Variants in ZNF425 observed in about 807,000 individuals in gnomAD.
The protein encoded by ZNF425 is zinc finger protein 425.
ZNF425 carries 21 observed loss-of-function variants against 17.0 expected under a neutral mutation model. The observed-to-expected ratio is 1.23, with a 90% confidence interval of 0.88 to 1.78. The LOEUF is 1.78. Ranked by LOEUF, ZNF425 falls within the 40% of genes most tolerant of loss-of-function variation. The pLI is 0.00. For missense variants in ZNF425, 868 were observed against 967.3 expected (o/e 0.90, Z 1.36); for synonymous variants, 433 against 384.1 (o/e 1.13, Z -1.49).
chr7:149,118,074 C>T lies in ZNF425; in HGVS notation c.145+148G>A, dbSNP rs950789289. ...ACTGGATAAAAAGGAATTTAATATTCCCAGGCCATTATAGGAAAGGGAGGA... is the reference window on the plus strand; with the variant it reads ...ACTGGATAAAAAGGAATTTAATATTTCCAGGCCATTATAGGAAAGGGAGGA... On this transcript the variant is annotated intron_variant, in intron 2 of 3. Coordinates refer to ENST00000378061, the MANE Select transcript of ZNF425 (RefSeq NM_001001661.3). 28 of 829,596 alleles carry T rather than the reference C, an allele frequency of 3.4e-5. No homozygotes were observed. The Admixed American group carries it at 6.7e-4, about 20-fold the overall frequency. The allele number at this position is 829,596 out of a possible 1,614,324, so 51.4% of individuals were successfully genotyped here.
chr7:149,126,319 G>C lies in ZNF425; in HGVS notation c.-106C>G, dbSNP rs573771845. ...CTGGCCCCCAAAGGCAGAGCCGGCC[G>C]GGCGCGGTGCATGCTGGGACTCGGC... On this transcript the variant is annotated 5_prime_UTR_variant, in exon 1 of 4. Coordinates refer to ENST00000378061, the MANE Select transcript of ZNF425 (RefSeq NM_001001661.3). 8.1e-5 allele frequency: 120 copies of C among 1,480,756 alleles called. No homozygotes were observed. In the African/African-American group the frequency reaches 1.6e-3, roughly 19 times the overall value. 91.7% of individuals were successfully genotyped at this position (1,480,756 alleles called of 1,614,324 possible).
rs778041829 is a variant in ZNF425, at chr7:149,103,926, G to A, written c.1945C>T (p.Gln649Ter). Residue 649 changes from glutamine (Q) to a stop codon, truncating the protein, a stop_gained, in exon 4 of 4, where the codon CAA (glutamine) becomes TAA (stop). Coordinates refer to ENST00000378061, the MANE Select transcript of ZNF425 (RefSeq NM_001001661.3). LOFTEE classifies it low-confidence loss of function (END_TRUNC). ...SCVMCGKSFTQQYRLTEHIRV... is the reference protein window; with the variant it reads ...SCVMCGKSFT ...ATGTGTTCTGTGAGCCGGTACTGTT[G>A]AGTGAAACTTTTGCCGCACATCACA... 11 of 1,614,078 alleles carry A rather than the reference G, an allele frequency of 6.8e-6. No homozygotes were observed. The highest frequency in any genetic ancestry group is 9.3e-6 in the Non-Finnish European group (11 of 1,180,012).
intron 2 of ZNF425, among the ~76,000 whole-genome samples, chr7:149,115,807 A>G (rs1826257637): frequency 6.6e-6 from 1 of 152,108 alleles, no homozygotes; most frequent in Non-Finnish European, 1.5e-5. Flanking sequence ...CCCTCAGATC[A>G]AGGCTTCATC....
chr7:149,104,521 G>C lies in ZNF425; in HGVS notation c.1350C>G (p.Gly450=). The C allele has an allele frequency of 6.2e-7, 1 of 1,604,054 alleles. No homozygotes were observed. The highest frequency in any genetic ancestry group is 8.5e-7 in the Non-Finnish European group (1 of 1,176,092). ...CGCGCATGGCGTTCCTCCAGAAGAA[G>C]CCCCTGCTGCACTCCGGGCACTGGA... is the stretch of plus-strand genomic sequence containing the variant. ...RPFQCPECSR[G]FFWRNAMRAH... The change falls in exon 4 of 4, where the codon GGC becomes GGG. Residue 450 remains glycine, a synonymous_variant. Coordinates refer to ENST00000378061, the MANE Select transcript of ZNF425 (RefSeq NM_001001661.3). The surrounding 1 kb of genome is among the most constrained non-coding windows in gnomAD (Gnocchi z 4.3).
intron 2 of ZNF425, among the ~76,000 whole-genome samples, chr7:149,113,978 G>A (rs1826213895): frequency 6.9e-6 from 1 of 145,664 alleles, no homozygotes; most frequent in Non-Finnish European, 1.5e-5. Context: ...TTGTGCCACT[G>A]CACCCAGCCT....
At position 149,104,185 on chromosome 7, in the gene ZNF425, G is replaced by A; in HGVS notation, c.1686C>T (p.Ser562=). 1 of 1,613,310 alleles carries A rather than the reference G, an allele frequency of 6.2e-7. No individual in the cohort carries two copies. The highest frequency in any genetic ancestry group is 8.5e-7 in the Non-Finnish European group (1 of 1,179,696). Residue 562 remains serine, a synonymous_variant, in exon 4 of 4, where the codon AGC becomes AGT. Transcript: ENST00000378061. The surrounding 1 kb of genome is among the most constrained non-coding windows in gnomAD (Gnocchi z 4.3). ...ACTTCATGGAGGCCTTCCAGGAGAAGCTCTTGTCGCACTCGGGACACTGGA... is the reference window on the plus strand; with the variant it reads ...ACTTCATGGAGGCCTTCCAGGAGAAACTCTTGTCGCACTCGGGACACTGGA... ...EPFQCPECDK[S]FSWKASMKFH...
rs1296454843 is a variant in ZNF425, at chr7:149,112,273, AT to A, written c.167del (p.Asp56ValfsTer2). ...DSLGYAFSKPDLITWMEQGRM... is the reference protein window; with the variant it reads ...DSLGYAFSKPXLITWMEQGRM... ...TCCCTTGTTCCATCCATGTGATCAA[AT>A]CTGGCTTGGAAAAAGCATACCCTGC... On this transcript the variant is annotated frameshift_variant, in exon 3 of 4. Coordinates refer to ENST00000378061, the MANE Select transcript of ZNF425 (RefSeq NM_001001661.3). LOFTEE classifies it high-confidence loss of function. 3 of 1,613,746 alleles carry A rather than the reference AT, an allele frequency of 1.9e-6. No individual in the cohort carries two copies. The highest frequency in any genetic ancestry group is 2.5e-6 in the Non-Finnish European group (3 of 1,179,876).
Position 149,105,483 on chromosome 7 carries a change from C to G in ZNF425, c.388G>C (p.Gly130Arg). 1.3e-6 allele frequency: 2 copies of G among 1,522,462 alleles called. No individual in the cohort carries two copies. Among genetic ancestry groups the G allele is most frequent in the Non-Finnish European group, 1.8e-6 (2 of 1,139,146 alleles). The allele number at this position is 1,522,462 out of a possible 1,614,324, so 94.3% of individuals were successfully genotyped here. The change falls in exon 4 of 4, where the codon GGG becomes CGG. Residue 130 changes from glycine (G) to arginine (R), a missense_variant. This residue lies in a region of ZNF425 where 179 missense variants were observed against 216.3 expected (regional missense o/e 0.83). Coordinates refer to ENST00000378061, the MANE Select transcript of ZNF425 (RefSeq NM_001001661.3). ...QKQDLCAALR[G>R]KERKILLAQT... ...GCTAATAAAATCTTTCTCTCTTTCC[C>G]TCGTAAGGCAGCACACAAGTCCTGT...
chr7:149,111,900 TG>T, intron 3 of ZNF425: 1 of 297,132 alleles, frequency 3.4e-6, no homozygotes, highest in South Asian at 5.1e-5. Flanking sequence ...CAGGCTGGTC[TG>T]GAACTCCTGA....
Position 149,103,745 on chromosome 7 carries a change from A to G in ZNF425, c.2126T>C (p.Leu709Pro). The G allele has an allele frequency of 6.2e-7, 1 of 1,614,196 alleles. No individual in the cohort carries two copies. The highest frequency in any genetic ancestry group is 8.5e-7 in the Non-Finnish European group (1 of 1,180,030). Residue 709 changes from leucine to proline, a missense_variant, in exon 4 of 4, where the codon CTG becomes CCG. Around this residue, in one of 5 missense-constraint regions of ZNF425, gnomAD observed 437 missense variants for 444.2 expected, o/e 0.98. Transcript: ENST00000378061. ...CGKGFLQKRSLKAHLCLHSGE... is the reference protein window; with the variant it reads ...CGKGFLQKRSPKAHLCLHSGE... Reference sequence around the variant, plus strand: ...ACTGTGAAGGCACAGATGGGCCTTCAGGCTTCTCTTCTGGAGGAAGCCTTT... The same window carrying G: ...ACTGTGAAGGCACAGATGGGCCTTCGGGCTTCTCTTCTGGAGGAAGCCTTT...
At position 149,104,787 on chromosome 7, in the gene ZNF425, C is replaced by A. The variant is rs780773889; in HGVS notation, c.1084G>T (p.Glu362Ter). 8 of 1,613,602 alleles carry A rather than the reference C, an allele frequency of 5.0e-6. No homozygotes were observed. The African/African-American group carries it at 9.3e-5, about 19-fold the overall frequency. The change falls in exon 4 of 4, where the codon GAG becomes TAG. Residue 362 changes from glutamate to a stop codon, truncating the protein, a stop_gained. Coordinates refer to ENST00000378061, the MANE Select transcript of ZNF425 (RefSeq NM_001001661.3). LOFTEE classifies it low-confidence loss of function (END_TRUNC). The surrounding 1 kb of genome is among the most constrained non-coding windows in gnomAD (Gnocchi z 4.3). ...HSGKRPFHCPECGRSFSRKAA... is the reference protein window; with the variant it reads ...HSGKRPFHCP ...TTCCGGGAGAAGCTCCGGCCACACT[C>A]GGGACAGTGGAAGGGCCTCTTCCCG...
At position 149,103,853 on chromosome 7, in the gene ZNF425, T is replaced by C. The variant is rs1826018270; in HGVS notation, c.2018A>G (p.Lys673Arg). ...EKPFQCPECD[K>R]SYCIRGSLKV... Reference sequence around the variant, plus strand: ...CAAGCTGCCCCTGATGCAGTAGCTCTTGTCACACTCCGGACACTGGAAGGG... The same window carrying C: ...CAAGCTGCCCCTGATGCAGTAGCTCCTGTCACACTCCGGACACTGGAAGGG... The change falls in exon 4 of 4, where the codon AAG becomes AGG. Residue 673 changes from lysine to arginine, a missense_variant. Lys to Arg is a conservative substitution (Grantham distance 26, BLOSUM62 2). Coordinates refer to ENST00000378061, the MANE Select transcript of ZNF425 (RefSeq NM_001001661.3). The C allele has an allele frequency of 6.2e-7, 1 of 1,613,798 alleles. No individual in the cohort carries two copies. The highest frequency in any genetic ancestry group is 8.5e-7 in the Non-Finnish European group (1 of 1,179,934).
intron 2 of ZNF425, among the ~76,000 whole-genome samples, chr7:149,116,159 A>G (rs1253465217): frequency 6.6e-6 from 1 of 152,234 alleles, no homozygotes; most frequent in East Asian, 1.9e-4. Context: ...TGTTCTGTCT[A>G]CACAATTCTC....
At chr7:149,117,496 C>T (rs1294537335) in intron 2 of ZNF425, among the ~76,000 whole-genome samples, 1 of 151,974 alleles carries the variant, frequency 6.6e-6, no homozygotes, top group South Asian at 2.1e-4. Flanking sequence ...ATCACTCTGT[C>T]CCCTTCATGA....
At chr7:149,109,511 G>C (rs960334074) in intron 3 of ZNF425, among the ~76,000 whole-genome samples, 38 of 152,006 alleles carry the variant, frequency 2.5e-4, no homozygotes, top group African/African-American at 9.2e-4. Context: ...ATTCCTTTTA[G>C]AGTCCTCCTG....
Position 149,103,985 on chromosome 7 carries a change from A to G in ZNF425, c.1886T>C (p.Leu629Pro), listed in dbSNP as rs1563144196. ...TGGCTTTTGGCCACTGTGCTGCAGC[A>G]GGTGGCTTTTCAGGTTTCCCTTGAG... ...FRLKGNLKSH[L>P]LQHSGQKPFS... The change falls in exon 4 of 4, where the codon CTG becomes CCG. Residue 629 changes from leucine to proline, a missense_variant. Physicochemically the swap from Leu to Pro is moderately conservative, Grantham distance 98. Around this residue, in one of 5 missense-constraint regions of ZNF425, gnomAD observed 437 missense variants for 444.2 expected, o/e 0.98. Transcript: ENST00000378061. 1 of 1,613,868 alleles carries G rather than the reference A, an allele frequency of 6.2e-7. No homozygotes were observed. Among genetic ancestry groups the G allele is most frequent in the African/African-American group, 1.3e-5 (1 of 74,932 alleles).
intron 1 of ZNF425, chr7:149,118,602 C>A (rs770525535): frequency 4.2e-4 from 187 of 447,776 alleles, no homozygotes; most frequent in Non-Finnish European, 6.9e-4. Context: ...CACCTGAGGT[C>A]AGGAGTTTGA....
intron 2 of ZNF425, among the ~76,000 whole-genome samples, chr7:149,113,003 G>A (rs1045084784): frequency 7.8e-6 from 1 of 128,244 alleles, no homozygotes; most frequent in Non-Finnish European, 1.6e-5. Context: ...TTTAGACAGA[G>A]TATCGCTCTG....
chr7:149,108,006 G>A (rs1221416249), intron 3 of ZNF425, among the ~76,000 whole-genome samples: 1 of 151,856 alleles, frequency 6.6e-6, no homozygotes, highest in Non-Finnish European at 1.5e-5. Context: ...AAGTAGCTGG[G>A]ACTACAGGCA....
Sources: allele counts gnomAD v4.1 joint callset (sites outside exome capture counted in the v4.1 genomes callset), GRCh38; gene constraint gnomAD v4.1.1; regional missense constraint gnomAD v4.1.1; non-coding constraint Gnocchi (gnomAD v3.1); transcripts MANE v1.5; gene names NCBI Gene and HGNC (gene_info 2026-07-23, HGNC 2026-07-21).